The following SOX6 variants were observed in gnomAD, a reference collection of about 807,000 sequenced individuals.
SOX6 encodes the protein SRY-box transcription factor 6.
SOX6 carries 11 observed loss-of-function variants against 97.8 expected under a neutral mutation model. The observed-to-expected ratio is 0.11, with a 90% CI of 0.07 to 0.19. The LOEUF is 0.19. Among genes scored for constraint, SOX6 ranks in the 10% least tolerant of loss-of-function variants. SOX6 has a pLI of 1.00. For missense variants in SOX6, 810 were observed against 1,039.5 expected, an observed-to-expected ratio of 0.78 and a Z score of 3.04; for synonymous variants, 360 against 371.4, an observed-to-expected ratio of 0.97 and a Z score of 0.35.
At chr11:16,346,213 T>C (rs1856772699) in intron 1 of SOX6, among the ~76,000 whole-genome samples, 1 of 151,986 alleles carries the variant, frequency 6.6e-6, no homozygotes, top group Non-Finnish European at 1.5e-5. Context: ...TATTGAGAAA[T>C]AAACAACTAA....
At chr11:16,260,766 A>G (rs78524872) in intron 3 of SOX6, among the ~76,000 whole-genome samples, 105 of 152,282 alleles carry the variant, frequency 6.9e-4, no homozygotes, top group African/African-American at 2.4e-3. Context: ...CCAATCATCC[A>G]AACATTTACC....
At chr11:16,491,266 A>G (rs1350863610) in intron 4 of SOX6, among the ~76,000 whole-genome samples, 1 of 152,190 alleles carries the variant, frequency 6.6e-6, no homozygotes, top group Non-Finnish European at 1.5e-5. Flanking sequence ...AAATTTATAA[A>G]TATCATTTAT....
chr11:16,263,625 A>G (rs1310770232), intron 3 of SOX6, among the ~76,000 whole-genome samples: 1 of 151,988 alleles, frequency 6.6e-6, no homozygotes, highest in Non-Finnish European at 1.5e-5. Context: ...GAATATCAGG[A>G]CAGAATTCCA....
At chr11:16,720,485 T>C (rs1848252052) in intron 2 of SOX6, among the ~76,000 whole-genome samples, 2 of 130,804 alleles carry the variant, frequency 1.5e-5, no homozygotes, top group Admixed American at 8.2e-5. Flanking sequence ...TAGATGGGAA[T>C]TGAACAATGA....
At chr11:16,606,937 G>A (rs1369798768) in intron 4 of SOX6, among the ~76,000 whole-genome samples, 1 of 152,200 alleles carries the variant, frequency 6.6e-6, no homozygotes, top group Admixed American at 6.5e-5. Flanking sequence ...GCGTCCACCA[G>A]CGAGCGGCGG....
chr11:16,279,265 TA>T (rs1021976372), intron 3 of SOX6, among the ~76,000 whole-genome samples: 39 of 152,080 alleles, frequency 2.6e-4, no homozygotes, highest in Admixed American at 9.8e-4. Flanking sequence ...AACTGAGATA[TA>T]AAGTCATTCA....
chr11:16,303,633 A>C, intron 3 of SOX6, among the ~76,000 whole-genome samples: 1 of 152,264 alleles, frequency 6.6e-6, no homozygotes, highest in East Asian at 1.9e-4. Context: ...CAAATTTTAG[A>C]GTAAGTTTGT....
At chr11:16,008,392 T>C (rs1454380216) in intron 13 of SOX6, among the ~76,000 whole-genome samples, 1 of 152,078 alleles carries the variant, frequency 6.6e-6, no homozygotes, top group African/African-American at 2.4e-5. Flanking sequence ...AAGCAGATCT[T>C]TTTTTGTGGT....
At chr11:16,325,620 A>C (rs1856062653) in intron 2 of SOX6, among the ~76,000 whole-genome samples, 1 of 152,182 alleles carries the variant, frequency 6.6e-6, no homozygotes. Flanking sequence ...GAAAAAATAA[A>C]CAAGATTTCT....
intron 12 of SOX6, among the ~76,000 whole-genome samples, chr11:16,022,487 C>T (rs543482432): frequency 1.3e-5 from 2 of 152,012 alleles, no homozygotes; most frequent in East Asian, 1.9e-4. Flanking sequence ...TCTCGGCTCA[C>T]TGCAACCTCT....
intron 1 of SOX6, among the ~76,000 whole-genome samples, chr11:16,447,080 G>T (rs1291760191): frequency 3.4e-5 from 5 of 148,168 alleles, no homozygotes; most frequent in African/African-American, 1.2e-4. Context: ...TTTCTTCTGT[G>T]CAGGGAAAAA....
intron 3 of SOX6, among the ~76,000 whole-genome samples, chr11:16,644,540 T>G (rs762132359): frequency 5.9e-5 from 9 of 152,110 alleles, no homozygotes; most frequent in Non-Finnish European, 1.0e-4. Context: ...CTTTTTTATT[T>G]CATGAATTAT....
chr11:16,284,235 T>C (rs1854666123), intron 3 of SOX6, among the ~76,000 whole-genome samples: 1 of 152,098 alleles, frequency 6.6e-6, no homozygotes, highest in Non-Finnish European at 1.5e-5. Flanking sequence ...TTAATTTTCA[T>C]AGAGTTTATG....
intron 4 of SOX6, among the ~76,000 whole-genome samples, chr11:16,492,259 T>A (rs1332762384): frequency 6.6e-6 from 1 of 152,210 alleles, no homozygotes; most frequent in Non-Finnish European, 1.5e-5. Context: ...ATGCCATTGG[T>A]GCTGCTACTT....
At chr11:15,980,903 T>C (rs1013298111) in intron 15 of SOX6, among the ~76,000 whole-genome samples, 5 of 152,076 alleles carry the variant, frequency 3.3e-5, no homozygotes, top group African/African-American at 9.7e-5. Context: ...CACTATTATA[T>C]GCTAATCTAT....
chr11:16,492,880 C>T (rs7126947), intron 4 of SOX6, among the ~76,000 whole-genome samples: 149,823 of 152,324 alleles, frequency 0.98, 73,735 homozygotes, highest in East Asian at 1. Context: ...CTTAACTTCA[C>T]TAATATTTAA....
Position 16,046,603 on chromosome 11 carries a change from G to A in SOX6, c.1534C>T (p.Arg512Trp), listed in dbSNP as rs1220977759. ...EARKMREQIQ[R>W]EQQQQQPHGV... Reference sequence around the variant, plus strand: ...TGTGGCTGTTGCTGCTGTTGCTCCCGCTGGATCTGCTCTCGCATCTTCCGC... The same window carrying A: ...TGTGGCTGTTGCTGCTGTTGCTCCCACTGGATCTGCTCTCGCATCTTCCGC... The change falls in exon 12 of 16, where the codon CGG becomes TGG. Residue 512 changes from arginine to tryptophan, a missense_variant. Coordinates refer to ENST00000683767, the MANE Select transcript of SOX6 (RefSeq NM_001367873.1). 3.7e-6 allele frequency: 6 copies of A among 1,613,602 alleles called. No homozygotes were observed. The highest frequency in any genetic ancestry group is 1.7e-5 in the Admixed American group (1 of 59,948).
At chr11:16,004,173 T>C (rs1273557955) in intron 13 of SOX6, among the ~76,000 whole-genome samples, 2 of 152,092 alleles carry the variant, frequency 1.3e-5, no homozygotes, top group Middle Eastern at 3.4e-3. Flanking sequence ...TAACAGGAGA[T>C]GGATGTTAAA....
intron 3 of SOX6, among the ~76,000 whole-genome samples, chr11:16,629,909 G>A (rs1271155814): frequency 6.6e-6 from 1 of 152,020 alleles, no homozygotes; most frequent in East Asian, 1.9e-4. Context: ...TATTTTCTAT[G>A]GATATTTTGT....
Sources: gnomAD v4.1 joint callset for allele counts (sites outside exome capture counted in the v4.1 genomes callset) on GRCh38, gnomAD v4.1.1 for gene constraint, MANE v1.5 for transcripts, NCBI Gene and HGNC (gene_info 2026-07-23, HGNC 2026-07-21) for gene names.